JMJD1C: variants seen among roughly 807,000 people sequenced by gnomAD.
The protein encoded by JMJD1C is jumonji domain containing 1C, also known as jumonji domain-containing protein 1C.
Under a neutral mutation model 245.3 loss-of-function variants are expected in JMJD1C, and 31 were observed. The ratio of observed to expected loss-of-function variants is 0.13; its 90% CI spans 0.09 to 0.17. The LOEUF (loss-of-function observed/expected upper bound fraction) is 0.17, where lower values mean the gene tolerates loss of function less well. JMJD1C is among the 10% of genes least tolerant of loss of function. JMJD1C has a pLI of 1.00. For synonymous variants in JMJD1C, 1,057 were observed against 1,017.4 expected (o/e 1.04, Z -0.74); for missense variants, 2,691 against 3,000.2 (o/e 0.90, Z 2.41).
At chr10:63,260,881 G>A (rs187235802) in intron 3 of JMJD1C, among the ~76,000 whole-genome samples, 6 of 152,044 alleles carry the variant, frequency 3.9e-5, no homozygotes, top group African/African-American at 1.2e-4. Flanking sequence ...ATGAGCCACC[G>A]TGCCTGGCGT....
At chr10:63,464,563 C>A (rs929030115) in intron 1 of JMJD1C, among the ~76,000 whole-genome samples, 3 of 152,162 alleles carry the variant, frequency 2.0e-5, no homozygotes, top group Non-Finnish European at 2.9e-5. Flanking sequence ...TGTCTTGTCT[C>A]TACTCCGCCC....
intron 1 of JMJD1C, among the ~76,000 whole-genome samples, chr10:63,449,613 A>G (rs970786898): frequency 2.0e-5 from 3 of 152,214 alleles, no homozygotes; most frequent in Admixed American, 6.5e-5. Flanking sequence ...GCATATATCA[A>G]TATACATCTA....
intron 1 of JMJD1C, among the ~76,000 whole-genome samples, chr10:63,487,960 T>C (rs889868897): frequency 6.6e-6 from 1 of 152,238 alleles, no homozygotes; most frequent in Non-Finnish European, 1.5e-5. Context: ...TCCAATTTCA[T>C]AAATGAAGAC....
chr10:63,178,765 G>A lies in JMJD1C; in HGVS notation c.7085-909C>T, dbSNP rs779152092. On this transcript the variant is annotated intron_variant, in intron 22 of 25. Transcript: ENST00000399262. Reference sequence around the variant, plus strand: ...TGTTGACAAACTAAAATTCCTACACGTATGTATGTACAGAAAAAAACTTTA... The same window carrying A: ...TGTTGACAAACTAAAATTCCTACACATATGTATGTACAGAAAAAAACTTTA... 5.9e-5 allele frequency among the ~76,000 whole-genome samples: 9 copies of A among 152,080 alleles called. No individual in the cohort carries two copies. In the East Asian group the frequency reaches 7.7e-4, roughly 13 times the overall value.
At chr10:63,353,093 G>C (rs12762639) in intron 2 of JMJD1C, among the ~76,000 whole-genome samples, 30,645 of 152,094 alleles carry the variant, frequency 0.2, 4,045 homozygotes, top group Non-Finnish European at 0.29. Flanking sequence ...AATGAAGTTA[G>C]GAAAATTTAT....
chr10:63,293,452 G>A (rs1859014785), intron 2 of JMJD1C, among the ~76,000 whole-genome samples: 1 of 152,106 alleles, frequency 6.6e-6, no homozygotes. Flanking sequence ...TACATTCACT[G>A]CTACCATTCT....
At chr10:63,231,179 T>C (rs1393282755) in intron 3 of JMJD1C, among the ~76,000 whole-genome samples, 1 of 152,192 alleles carries the variant, frequency 6.6e-6, no homozygotes, top group East Asian at 1.9e-4. Flanking sequence ...AAGATCTTAA[T>C]GCACACAAAT....
chr10:63,263,897 A>T (rs1855128046), intron 3 of JMJD1C, among the ~76,000 whole-genome samples: 1 of 146,952 alleles, frequency 6.8e-6, no homozygotes, highest in Admixed American at 6.9e-5. Flanking sequence ...GTGCCACTGC[A>T]TTCCAGCCTG....
At chr10:63,178,837 C>G (rs1301194477) in intron 22 of JMJD1C, among the ~76,000 whole-genome samples, 1 of 152,070 alleles carries the variant, frequency 6.6e-6, no homozygotes, top group Non-Finnish European at 1.5e-5. Context: ...AAGTGTAGGA[C>G]CACAGGAAGG....
intron 8 of JMJD1C, among the ~76,000 whole-genome samples, chr10:63,213,221 A>T (rs1847577234): frequency 6.6e-6 from 1 of 151,444 alleles, no homozygotes; most frequent in Admixed American, 6.6e-5. Flanking sequence ...TATACCAAAA[A>T]TTTAAATCTA....
At chr10:63,276,902 T>TTTTTTTTTTATACA (rs71025142) in intron 2 of JMJD1C, among the ~76,000 whole-genome samples, 1 of 142,028 alleles carries the variant, frequency 7.0e-6, no homozygotes, top group Non-Finnish European at 1.5e-5. Context: ...TTTTTTTTTT[T>TTTTTTTTTTATACA]GAGAGAGAGT....
intron 24 of JMJD1C, among the ~76,000 whole-genome samples, chr10:63,174,509 G>C (rs1842691528): frequency 6.6e-6 from 1 of 152,142 alleles, no homozygotes. Flanking sequence ...TTAGTTGCAG[G>C]AACTTTGGGT....
intron 1 of JMJD1C, chr10:63,427,323 C>T (rs371143244): frequency 1.3e-5 from 13 of 1,000,410 alleles, no homozygotes; most frequent in Admixed American, 2.0e-5. Context: ...TGGGCCAGGG[C>T]GTGCTCCAGA....
intron 1 of JMJD1C, among the ~76,000 whole-genome samples, chr10:63,410,293 T>C (rs1174460615): frequency 6.6e-6 from 1 of 152,218 alleles, no homozygotes; most frequent in Admixed American, 6.5e-5. Flanking sequence ...TGGTGAACTA[T>C]TCATCCACAG....
At chr10:63,425,602 C>A (rs1485599293) in intron 1 of JMJD1C, among the ~76,000 whole-genome samples, 1 of 151,860 alleles carries the variant, frequency 6.6e-6, no homozygotes, top group Non-Finnish European at 1.5e-5. Context: ...GGTAACATGG[C>A]GAGATCCCAT....
chr10:63,257,761 A>AAAT (rs1854161123), intron 3 of JMJD1C, among the ~76,000 whole-genome samples: 1 of 152,224 alleles, frequency 6.6e-6, no homozygotes, highest in Admixed American at 6.5e-5. Context: ...CATCTTTTCT[A>AAAT]ATATCATTTT....
At chr10:63,199,868 A>G (rs1173150414) in intron 11 of JMJD1C, among the ~76,000 whole-genome samples, 3 of 152,188 alleles carry the variant, frequency 2.0e-5, no homozygotes, top group African/African-American at 7.2e-5. Context: ...AGAGCATTTC[A>G]TATGCGCATG....
At chr10:63,259,111 GCACT>G (rs1854358438) in intron 3 of JMJD1C, among the ~76,000 whole-genome samples, 1 of 152,130 alleles carries the variant, frequency 6.6e-6, no homozygotes, top group Admixed American at 6.6e-5. Flanking sequence ...ACCATACAAA[GCACT>G]GTAACAGGAA....
intron 1 of JMJD1C, among the ~76,000 whole-genome samples, chr10:63,440,340 G>GAAA (rs199670163): frequency 1.0e-3 from 90 of 89,748 alleles, no homozygotes; most frequent in African/African-American, 3.1e-3. Flanking sequence ...TGTCTCAAAA[G>GAAA]AAAAAAAAAA....
Sources: gnomAD v4.1 joint callset for allele counts (sites outside exome capture counted in the v4.1 genomes callset) on GRCh38, gnomAD v4.1.1 for gene constraint, MANE v1.5 for transcripts, NCBI Gene and HGNC (gene_info 2026-07-23, HGNC 2026-07-21) for gene names.